PIP5K1B: variants seen among roughly 807,000 people sequenced by gnomAD.
The protein encoded by PIP5K1B is phosphatidylinositol-4-phosphate 5-kinase type 1 beta.
A neutral mutation model predicts 67.0 loss-of-function variants in PIP5K1B; 42 were observed. That is an observed-to-expected ratio of 0.63 (90% CI 0.49 to 0.81). The LOEUF is 0.81. PIP5K1B is among the 30% of genes least tolerant of loss of function. PIP5K1B has a pLI of 0.00. For synonymous variants in PIP5K1B, 214 were observed against 231.4 expected, an observed-to-expected ratio of 0.92 and a Z score of 0.68; for missense variants, 459 against 646.3, an observed-to-expected ratio of 0.71 and a Z score of 3.14.
chr9:68,790,565 T>C (rs984081504), intron 2 of PIP5K1B, among the ~76,000 whole-genome samples: 4 of 151,982 alleles, frequency 2.6e-5, no homozygotes, highest in African/African-American at 7.2e-5. Context: ...AATTGGGTCT[T>C]GTGTATGTAC....
At position 68,705,726 on chromosome 9, in the gene PIP5K1B, C is replaced by G. The variant is rs1238275483; in HGVS notation, c.-279C>G. On this transcript the variant is annotated 5_prime_UTR_variant, in exon 1 of 16. Coordinates refer to ENST00000265382, the MANE Select transcript of PIP5K1B (RefSeq NM_003558.4). ...ACTTGCAGACTGTGGCGCAACTGGT[C>G]TTGGTAGCGGAGGCACCCGAATGCT... 6.6e-6 allele frequency: 1 copy of G among 151,598 alleles called. No individual in the cohort carries two copies. The highest frequency in any genetic ancestry group is 1.5e-5 in the Non-Finnish European group (1 of 68,028). The allele number at this position is 151,598 out of a possible 1,614,324, so 9.4% of individuals were successfully genotyped here. A position where few individuals can be genotyped will look rare whatever the true frequency, so the allele number is the denominator to read the frequency against.
chr9:68,875,869 T>TGGA (rs1442372957), intron 5 of PIP5K1B, among the ~76,000 whole-genome samples: 5 of 152,300 alleles, frequency 3.3e-5, no homozygotes, highest in Non-Finnish European at 7.3e-5. Context: ...TAATATTGTA[T>TGGA]GGAGTCAAAG....
intron 4 of PIP5K1B, among the ~76,000 whole-genome samples, chr9:68,833,931 A>G (rs931322505): frequency 6.6e-6 from 1 of 152,192 alleles, no homozygotes; most frequent in Non-Finnish European, 1.5e-5. Flanking sequence ...CTTGGGACTC[A>G]AGGAAGAGGT....
chr9:68,980,356 T>A (rs771404183), intron 14 of PIP5K1B, among the ~76,000 whole-genome samples: 10 of 152,338 alleles, frequency 6.6e-5, no homozygotes, highest in Middle Eastern at 3.4e-3. Flanking sequence ...GAGACCAGGC[T>A]GTATTTGTGG....
At chr9:68,857,774 G>T (rs1822853010) in intron 4 of PIP5K1B, among the ~76,000 whole-genome samples, 1 of 152,170 alleles carries the variant, frequency 6.6e-6, no homozygotes, top group Admixed American at 6.5e-5. Context: ...GGCTGAGGTG[G>T]GAGGATGGCT....
At chr9:68,960,985 T>C (rs976624532) in intron 14 of PIP5K1B, among the ~76,000 whole-genome samples, 1 of 147,862 alleles carries the variant, frequency 6.8e-6, no homozygotes, top group Non-Finnish European at 1.5e-5. Context: ...CCGAGGCGGG[T>C]GGATCATGAG....
Position 68,873,877 on chromosome 9 carries a change from G to A in PIP5K1B, c.201-2800G>A, listed in dbSNP as rs780277507. 5.3e-5 allele frequency among the ~76,000 whole-genome samples: 8 copies of A among 152,244 alleles called. No homozygotes were observed. The South Asian group carries it at 8.3e-4, about 16-fold the overall frequency. ...TCCATCATCTTAACTACCACACAGTGTATCCAGTAGGACTTAAGAGAGTAC... is the reference window on the plus strand; with the variant it reads ...TCCATCATCTTAACTACCACACAGTATATCCAGTAGGACTTAAGAGAGTAC... On this transcript the variant is annotated intron_variant, in intron 5 of 15. Coordinates refer to ENST00000265382, the MANE Select transcript of PIP5K1B (RefSeq NM_003558.4).
At chr9:68,709,008 CAGG>C (rs1376443012) in intron 1 of PIP5K1B, among the ~76,000 whole-genome samples, 1 of 152,080 alleles carries the variant, frequency 6.6e-6, no homozygotes, top group African/African-American at 2.4e-5. Context: ...AAGATGATAG[CAGG>C]AGGACCAAGA....
chr9:68,985,377 A>C (rs1054962687), intron 14 of PIP5K1B, among the ~76,000 whole-genome samples: 31 of 151,302 alleles, frequency 2.0e-4, no homozygotes, highest in African/African-American at 7.5e-4. Flanking sequence ...TCAGCCTCCC[A>C]AGTAACTGGG....
At chr9:68,861,170 G>T (rs1457131496) in intron 4 of PIP5K1B, among the ~76,000 whole-genome samples, 9 of 152,172 alleles carry the variant, frequency 5.9e-5, no homozygotes, top group Non-Finnish European at 2.9e-5. Context: ...TGCTCTGAAA[G>T]GAAAGTAATA....
intron 15 of PIP5K1B, among the ~76,000 whole-genome samples, chr9:69,003,337 CTGA>C (rs2133036285): frequency 6.6e-6 from 1 of 152,182 alleles, no homozygotes; most frequent in Non-Finnish European, 1.5e-5. Context: ...GAGAGAAAAG[CTGA>C]TGCTTTCGTC....
At chr9:68,938,113 T>A (rs184163253) in intron 13 of PIP5K1B, among the ~76,000 whole-genome samples, 1 of 152,200 alleles carries the variant, frequency 6.6e-6, no homozygotes, top group South Asian at 2.1e-4. Flanking sequence ...GTCTATTAGG[T>A]CCGCTTGGTC....
At chr9:68,956,070 A>G (rs12337137) in intron 14 of PIP5K1B, among the ~76,000 whole-genome samples, 8,780 of 152,330 alleles carry the variant, frequency 0.058, 521 homozygotes, top group African/African-American at 0.15. Flanking sequence ...TATAAAAAAC[A>G]TAATAACTTG....
chr9:68,762,768 G>T (rs79802276), intron 2 of PIP5K1B, among the ~76,000 whole-genome samples: 1,714 of 152,180 alleles, frequency 0.011, 40 homozygotes, highest in African/African-American at 0.039. Context: ...TGTGATCTCT[G>T]TTTCAGCCAC....
chr9:68,946,452 G>GC (rs1368974334), intron 14 of PIP5K1B, among the ~76,000 whole-genome samples: 1 of 151,998 alleles, frequency 6.6e-6, no homozygotes, highest in African/African-American at 2.4e-5. Flanking sequence ...GAGTACAGTG[G>GC]CGTGATCTCA....
At chr9:69,004,329 GTGTGTTTT>G (rs899817095) in intron 15 of PIP5K1B, among the ~76,000 whole-genome samples, 1 of 93,524 alleles carries the variant, frequency 1.1e-5, no homozygotes, top group African/African-American at 3.6e-5. Flanking sequence ...GCGTGTGTGT[GTGTGTTTT>G]TGTGTGTGTG....
rs951060931 is a variant in PIP5K1B at position 68,944,303 on chromosome 9, C to T, written c.1502+3513C>T. On this transcript the variant is annotated intron_variant, in intron 14 of 15. Coordinates refer to ENST00000265382, the MANE Select transcript of PIP5K1B (RefSeq NM_003558.4). ...AATTGAGCACTAAGAAATATAGAGG[C>T]AAATGTGTTTTACCTCAAAGTTAAG... is the stretch of plus-strand genomic sequence containing the variant. Among the ~76,000 whole-genome samples, 6 of 152,294 alleles carry T rather than the reference C, an allele frequency of 3.9e-5. No individual in the cohort carries two copies. In the South Asian group the frequency reaches 6.2e-4, roughly 16 times the overall value.
At chr9:68,716,748 CA>C (rs544376995) in intron 1 of PIP5K1B, among the ~76,000 whole-genome samples, 180 of 152,226 alleles carry the variant, frequency 1.2e-3, no homozygotes, top group African/African-American at 3.3e-3. Context: ...GATATATACC[CA>C]AAGGAAAATA....
intron 14 of PIP5K1B, 33 bp downstream of exon 14, chr9:68,940,823 G>T (rs749375916): frequency 8.1e-6 from 13 of 1,603,274 alleles, no homozygotes; most frequent in Non-Finnish European, 1.0e-5. Context: ...AACCCATCAG[G>T]CTGTTACCAC....
Sources: allele counts gnomAD v4.1 joint callset (sites outside exome capture counted in the v4.1 genomes callset), GRCh38; gene constraint gnomAD v4.1.1; transcripts MANE v1.5; gene names NCBI Gene and HGNC (gene_info 2026-07-23, HGNC 2026-07-21).